C10orf90: variants seen among roughly 807,000 people sequenced by gnomAD.
C10orf90 encodes the protein (E2-independent) E3 ubiquitin-conjugating enzyme FATS.
A neutral mutation model predicts 62.5 loss-of-function variants in C10orf90; 56 were observed. That is an observed-to-expected ratio of 0.90 (90% CI 0.72 to 1.12). The LOEUF (loss-of-function observed/expected upper bound fraction) is 1.12, where lower values mean the gene tolerates loss of function less well. Ranked by LOEUF, C10orf90 falls within the 50% of genes most tolerant of loss-of-function variation. C10orf90 has a pLI of 0.00. For missense variants in C10orf90, 970 were observed against 880.4 expected (o/e 1.10, Z -1.29); for synonymous variants, 386 against 340.4 (o/e 1.13, Z -1.47).
chr10:126,617,497 C>T (rs1845565200), intron 2 of C10orf90, among the ~76,000 whole-genome samples: 1 of 152,178 alleles, frequency 6.6e-6, no homozygotes, highest in Non-Finnish European at 1.5e-5. Flanking sequence ...GGCTTGGGAT[C>T]CTCAGCTTCT....
intron 4 of C10orf90, among the ~76,000 whole-genome samples, chr10:126,468,000 CTTAA>C (rs1426433415): frequency 6.6e-6 from 1 of 152,106 alleles, no homozygotes; most frequent in Non-Finnish European, 1.5e-5. Context: ...CTTTTTGTCT[CTTAA>C]TTTTCCCACC....
In C10orf90 at chr10:126,561,901, C is replaced by G. The variant is rs936865584; in HGVS notation, c.314-47962G>C. On this transcript the variant is annotated intron_variant, in intron 2 of 9. Transcript: ENST00000488181. ...GGAAGTTAAGTTAGAAAGAACCCCC[C>G]ACTGAGAGATGAATTAGAGATGCAA... Among the ~76,000 whole-genome samples, 4 of 152,352 alleles carry G rather than the reference C, an allele frequency of 2.6e-5. No homozygotes were observed. In the East Asian group the frequency reaches 7.7e-4, roughly 29 times the overall value.
At chr10:126,581,226 T>C (rs1231369219) in intron 2 of C10orf90, among the ~76,000 whole-genome samples, 1 of 152,162 alleles carries the variant, frequency 6.6e-6, no homozygotes, top group Admixed American at 6.5e-5. Flanking sequence ...TCATGCAGGG[T>C]ATTTTGTTCC....
intron 7 of C10orf90, among the ~76,000 whole-genome samples, chr10:126,452,103 C>T (rs1222336951): frequency 6.6e-6 from 1 of 152,064 alleles, no homozygotes; most frequent in Non-Finnish European, 1.5e-5. Flanking sequence ...CAAAAGTATG[C>T]AAGGTGATGG....
intron 4 of C10orf90, among the ~76,000 whole-genome samples, chr10:126,482,631 G>A (rs540699611): frequency 6.6e-6 from 1 of 152,178 alleles, no homozygotes; most frequent in Non-Finnish European, 1.5e-5. Flanking sequence ...CTAGCTAGTA[G>A]TAGCCCTTAT....
chr10:126,558,087 TA>T (rs1864819601), intron 2 of C10orf90, among the ~76,000 whole-genome samples: 1 of 152,160 alleles, frequency 6.6e-6, no homozygotes, highest in African/African-American at 2.4e-5. Context: ...CTTTCTTGCC[TA>T]TATTGTGGTG....
At position 126,586,038 on chromosome 10, in the gene C10orf90, A is replaced by G. The variant is rs181619188; in HGVS notation, c.313+60527T>C. Among the ~76,000 whole-genome samples the G allele has an allele frequency of 8.5e-5, 13 of 152,320 alleles. No homozygotes were observed. The East Asian group carries it at 2.5e-3, about 29-fold the overall frequency. On this transcript the variant is annotated intron_variant, in intron 2 of 9. Coordinates refer to ENST00000488181, the MANE Select transcript of C10orf90 (RefSeq NM_001350921.2). ...TAACTCTACTATAAAAACCAAGGCAACTCATTTTCTTTCCAGCCTCTCAAA... is the reference window on the plus strand; with the variant it reads ...TAACTCTACTATAAAAACCAAGGCAGCTCATTTTCTTTCCAGCCTCTCAAA...
At chr10:126,556,341 C>G (rs1052000783) in intron 2 of C10orf90, among the ~76,000 whole-genome samples, 1 of 152,168 alleles carries the variant, frequency 6.6e-6, no homozygotes, top group Admixed American at 6.5e-5. Context: ...AAAGGGCGCT[C>G]CCTTCTCCCT....
At chr10:126,461,615 G>A (rs1359393941) in intron 5 of C10orf90, 30 bp from the exon 6 acceptor site, 5 of 1,598,154 alleles carry the variant, frequency 3.1e-6, no homozygotes, top group Middle Eastern at 1.7e-4. Context: ...ATCCCATTTA[G>A]AGGGCACCAA....
intron 2 of C10orf90, among the ~76,000 whole-genome samples, chr10:126,590,774 A>C (rs1260921183): frequency 6.6e-6 from 1 of 152,062 alleles, no homozygotes; most frequent in Non-Finnish European, 1.5e-5. Flanking sequence ...AACTAAAAGA[A>C]CTAGAGAACC....
chr10:126,602,257 A>C (rs1845212749), intron 2 of C10orf90, among the ~76,000 whole-genome samples: 1 of 152,238 alleles, frequency 6.6e-6, no homozygotes, highest in South Asian at 2.1e-4. Flanking sequence ...TGCTGGATGC[A>C]CTGAACACCC....
At chr10:126,542,320 T>C (rs1864392828) in intron 2 of C10orf90, among the ~76,000 whole-genome samples, 1 of 151,956 alleles carries the variant, frequency 6.6e-6, no homozygotes, top group African/African-American at 2.4e-5. Flanking sequence ...TTGGCCAACA[T>C]GGTGAAACCC....
chr10:126,564,467 G>A (rs1240261923), intron 2 of C10orf90, among the ~76,000 whole-genome samples: 2 of 151,748 alleles, frequency 1.3e-5, no homozygotes, highest in Non-Finnish European at 2.9e-5. Flanking sequence ...TCTCAGAGGA[G>A]GCCATAGTCT....
At chr10:126,496,500 C>T (rs560250179) in intron 4 of C10orf90, among the ~76,000 whole-genome samples, 2 of 152,236 alleles carry the variant, frequency 1.3e-5, no homozygotes, top group African/African-American at 4.8e-5. Flanking sequence ...TACATTTGAC[C>T]ACATGAAGGA....
At chr10:126,541,549 A>T (rs544941696) in intron 2 of C10orf90, among the ~76,000 whole-genome samples, 1 of 152,344 alleles carries the variant, frequency 6.6e-6, no homozygotes, top group Non-Finnish European at 1.5e-5. Flanking sequence ...ACTTCAGTAG[A>T]CATTCCCCAA....
intron 2 of C10orf90, among the ~76,000 whole-genome samples, chr10:126,528,676 C>T (rs1039520914): frequency 2.2e-4 from 33 of 152,188 alleles, no homozygotes; most frequent in African/African-American, 7.7e-4. Context: ...CTCTTGGTTT[C>T]CTCATCTGCG....
At chr10:126,638,020 T>C (rs564673998) in intron 2 of C10orf90, among the ~76,000 whole-genome samples, 2 of 152,172 alleles carry the variant, frequency 1.3e-5, no homozygotes, top group Non-Finnish European at 2.9e-5. Context: ...TGGTTGGACA[T>C]TGGAGTGAGG....
Position 126,648,317 on chromosome 10 carries a change from G to A in C10orf90, c.241-1680C>T, listed in dbSNP as rs114202814. 4.5e-3 allele frequency among the ~76,000 whole-genome samples: 682 copies of A among 152,274 alleles called. 6 individuals are homozygous for A. The highest frequency in any genetic ancestry group is 0.016 in the African/African-American group (655 of 41,560). ...GAGGATTTCAAAATGCACAGGAAGG[G>A]AGGGAGGGAGGAAGAAGCAAGAAGG... On this transcript the variant is annotated intron_variant, in intron 1 of 9. Transcript: ENST00000488181.
At chr10:126,572,135 C>T (rs946160812) in intron 2 of C10orf90, among the ~76,000 whole-genome samples, 5 of 152,062 alleles carry the variant, frequency 3.3e-5, no homozygotes, top group South Asian at 2.1e-4. Context: ...TCACAGGAGG[C>T]GATAGGAGGT....
Sources: allele counts gnomAD v4.1 joint callset (sites outside exome capture counted in the v4.1 genomes callset), GRCh38; gene constraint gnomAD v4.1.1; transcripts MANE v1.5; gene names NCBI Gene and HGNC (gene_info 2026-07-23, HGNC 2026-07-21).